Variants in LEF1 observed in about 807,000 individuals in gnomAD.
LEF1 encodes the protein lymphoid enhancer binding factor 1, also known as lymphoid enhancer-binding factor 1.
LEF1 carries 14 observed loss-of-function variants against 51.2 expected under a neutral mutation model. The observed-to-expected ratio is 0.27, with a 90% confidence interval of 0.18 to 0.43. The LOEUF is 0.43. LEF1 is among the 20% of genes least tolerant of loss of function. LEF1 has a pLI of 1.00. For synonymous variants in LEF1, 185 were observed against 183.2 expected, an observed-to-expected ratio of 1.01 and a Z score of -0.08; for missense variants, 386 against 512.0, an observed-to-expected ratio of 0.75 and a Z score of 2.37.
chr4:108,059,829 A>G (rs1271392052), intron 11 of LEF1, among the ~76,000 whole-genome samples: 1 of 152,234 alleles, frequency 6.6e-6, no homozygotes, highest in South Asian at 2.1e-4. Context: ...CAGCCTCGCC[A>G]GTAGCTGGAA....
chr4:108,077,694 C>A (rs551379527), intron 8 of LEF1, among the ~76,000 whole-genome samples: 161 of 149,498 alleles, frequency 1.1e-3, no homozygotes, highest in Admixed American at 3.9e-3. Flanking sequence ...AGCTGCCGCC[C>A]CATCTGGGAA....
At chr4:108,070,371 G>A (rs1242385348) in intron 9 of LEF1, 2 of 221,474 alleles carry the variant, frequency 9.0e-6, no homozygotes, top group East Asian at 1.9e-4. Flanking sequence ...CCTTTACATA[G>A]TAAGATTATG....
At chr4:108,149,011 T>C (rs1474799951) in intron 3 of LEF1, among the ~76,000 whole-genome samples, 1 of 152,188 alleles carries the variant, frequency 6.6e-6, no homozygotes, top group African/African-American at 2.4e-5. Context: ...TGCAAGCAGA[T>C]CTTAATTGTG....
Position 108,070,704 on chromosome 4 carries a change from G to A in LEF1, c.1075C>T (p.His359Tyr). The A allele has an allele frequency of 6.2e-7, 1 of 1,614,078 alleles. No homozygotes were observed. The highest frequency in any genetic ancestry group is 8.5e-7 in the Non-Finnish European group (1 of 1,179,960). ...YELARKERQL[H>Y]MQLYPGWSAR... ...GACCAGCCTGGATAAAGCTGCATAT[G>A]TAGCTGTCTTTCTTTCCGTGCTAAT... The change falls in exon 9 of 12, where the codon CAT becomes TAT. Residue 359 changes from histidine (H) to tyrosine (Y), a missense_variant. His to Tyr is a moderately conservative substitution (Grantham distance 83). Coordinates refer to ENST00000265165, the MANE Select transcript of LEF1 (RefSeq NM_016269.5).
intron 1 of LEF1, chr4:108,166,622 G>GC: frequency 9.4e-7 from 1 of 1,064,248 alleles, no homozygotes; most frequent in Non-Finnish European, 1.1e-6. Context: ...TCTCTAGCCA[G>GC]CACCCACGTG....
chr4:108,102,117 A>G (rs902426675), intron 3 of LEF1, among the ~76,000 whole-genome samples: 4 of 152,022 alleles, frequency 2.6e-5, no homozygotes, highest in African/African-American at 9.7e-5. Context: ...TTTAAGAATC[A>G]GTTTTAAAAT....
chr4:108,135,839 C>T (rs1743230193), intron 3 of LEF1, among the ~76,000 whole-genome samples: 1 of 152,204 alleles, frequency 6.6e-6, no homozygotes, highest in African/African-American at 2.4e-5. Flanking sequence ...TCCTTCTGCT[C>T]TCCTCCCACG....
chr4:108,071,938 C>G (rs140168930), intron 8 of LEF1: 12 of 152,452 alleles, frequency 7.9e-5, no homozygotes, highest in Middle Eastern at 3.4e-3. Context: ...AACACACATG[C>G]TCCTCTGTGC....
At chr4:108,091,479 C>G (rs1032605900) in intron 3 of LEF1, among the ~76,000 whole-genome samples, 2 of 151,418 alleles carry the variant, frequency 1.3e-5, no homozygotes, top group Non-Finnish European at 2.9e-5. Flanking sequence ...AAAAATCACA[C>G]TTTTTTTGGA....
chr4:108,078,456 A>G, intron 7 of LEF1, 74 bp from the exon 8 acceptor site: 7 of 1,587,868 alleles, frequency 4.4e-6, no homozygotes, highest in Non-Finnish European at 6.1e-6. Context: ...GGAGAAAAGC[A>G]GAGCACCTGC....
intron 3 of LEF1, among the ~76,000 whole-genome samples, chr4:108,140,558 G>A (rs1342903981): frequency 2.6e-5 from 4 of 152,172 alleles, no homozygotes; most frequent in Non-Finnish European, 4.4e-5. Context: ...AGCATAAAAG[G>A]TAAACCCAGG....
chr4:108,141,353 G>A (rs1314515880), intron 3 of LEF1, among the ~76,000 whole-genome samples: 5 of 152,126 alleles, frequency 3.3e-5, no homozygotes, highest in Non-Finnish European at 7.3e-5. Flanking sequence ...CTGCTGGACA[G>A]CGTGACCAGT....
At chr4:108,095,668 C>T (rs898518) in intron 3 of LEF1, among the ~76,000 whole-genome samples, 6 of 152,070 alleles carry the variant, frequency 3.9e-5, no homozygotes, top group East Asian at 3.9e-4. Context: ...CCTTTTAAAA[C>T]GCATGGAAAA....
At chr4:108,140,021 T>A (rs1743541430) in intron 3 of LEF1, among the ~76,000 whole-genome samples, 1 of 152,220 alleles carries the variant, frequency 6.6e-6, no homozygotes. Flanking sequence ...TATAGAGATT[T>A]GCCTTACTTT....
chr4:108,112,351 G>A (rs62310683), intron 3 of LEF1, among the ~76,000 whole-genome samples: 11,808 of 152,204 alleles, frequency 0.078, 513 homozygotes, highest in African/African-American at 0.13. Context: ...CATGCCTGGG[G>A]TAGAGTGTTC....
intron 11 of LEF1, among the ~76,000 whole-genome samples, chr4:108,052,376 G>T (rs948157101): frequency 6.6e-6 from 1 of 152,220 alleles, no homozygotes; most frequent in Non-Finnish European, 1.5e-5. Flanking sequence ...CTAACAAGAG[G>T]CAGGAGCCTT....
At chr4:108,059,182 C>T (rs146926234) in intron 11 of LEF1, among the ~76,000 whole-genome samples, 260 of 152,270 alleles carry the variant, frequency 1.7e-3, no homozygotes, top group African/African-American at 5.9e-3. Context: ...TAGAAACATA[C>T]GGGGAGACAG....
chr4:108,140,220 C>G (rs79189694), intron 3 of LEF1, among the ~76,000 whole-genome samples: 6,452 of 152,202 alleles, frequency 0.042, 162 homozygotes, highest in Non-Finnish European at 0.062. Context: ...GGGGGAAAAG[C>G]AACTTCATTG....
intron 3 of LEF1, among the ~76,000 whole-genome samples, chr4:108,092,917 TAAAAAAAA>T (rs71592104): frequency 3.2e-5 from 1 of 31,156 alleles, no homozygotes; most frequent in East Asian, 6.3e-4. Flanking sequence ...AATGAATATG[TAAAAAAAA>T]AAAAAAAAAA....
Sources: allele counts gnomAD v4.1 joint callset (sites outside exome capture counted in the v4.1 genomes callset), GRCh38; gene constraint gnomAD v4.1.1; transcripts MANE v1.5; gene names NCBI Gene and HGNC (gene_info 2026-07-23, HGNC 2026-07-21).